IDNK: variants seen among roughly 807,000 people sequenced by gnomAD.
The protein encoded by IDNK is gluconokinase.
A neutral mutation model predicts 13.0 loss-of-function variants in IDNK; 9 were observed. That is an observed-to-expected ratio of 0.69 (90% CI 0.42 to 1.21). IDNK has a LOEUF of 1.21. Among genes scored for constraint, IDNK ranks in the 50% most tolerant of loss-of-function variants. IDNK has a pLI of 0.00. For synonymous variants in IDNK, 92 were observed against 94.9 expected, an observed-to-expected ratio of 0.97 and a Z score of 0.18; for missense variants, 210 against 237.8, an observed-to-expected ratio of 0.88 and a Z score of 0.77.
At chr9:83,633,296 A>T (rs987377836) in intron 3 of IDNK, among the ~76,000 whole-genome samples, 1 of 152,066 alleles carries the variant, frequency 6.6e-6, no homozygotes, top group African/African-American at 2.4e-5. Flanking sequence ...CCAAGATCAC[A>T]CCACTGCACT....
chr9:83,634,218 C>T (rs1316130867), intron 3 of IDNK, among the ~76,000 whole-genome samples: 1 of 152,206 alleles, frequency 6.6e-6, no homozygotes, highest in Admixed American at 6.5e-5. Flanking sequence ...ATTTCCAACC[C>T]TCTCTATTGT....
At chr9:83,641,427 C>T in intron 3 of IDNK, 121 bp from the exon 4 acceptor site, 1 of 1,106,992 alleles carries the variant, frequency 9.0e-7, no homozygotes, top group Non-Finnish European at 1.4e-6. Flanking sequence ...GCCCACTCCT[C>T]ACACCACTGA....
intron 3 of IDNK, among the ~76,000 whole-genome samples, chr9:83,632,631 G>C (rs1035888659): frequency 6.6e-6 from 1 of 151,790 alleles, no homozygotes; most frequent in African/African-American, 2.4e-5. Context: ...ATTTATGTTG[G>C]GCCACATTCA....
At chr9:83,643,401 CCTCT>C in intron 4 of IDNK, 24 bp from the exon 5 acceptor site, 1 of 1,542,076 alleles carries the variant, frequency 6.5e-7, no homozygotes, top group Non-Finnish European at 8.8e-7. Flanking sequence ...CTTTAGCCTC[CCTCT>C]TTTTTTTTTC....
intron 2 of IDNK, 113 bp downstream of exon 2, chr9:83,628,324 C>A: frequency 2.1e-6 from 2 of 936,158 alleles, no homozygotes; most frequent in Non-Finnish European, 1.7e-6. Flanking sequence ...CTTTGAACCC[C>A]ACTGGAGCAA....
chr9:83,632,865 T>C (rs1831061448), intron 3 of IDNK, among the ~76,000 whole-genome samples: 1 of 152,202 alleles, frequency 6.6e-6, no homozygotes, highest in South Asian at 2.1e-4. Flanking sequence ...TTCTTCCAAT[T>C]TCTTCACTGT....
chr9:83,637,573 A>G (rs1161309015), intron 3 of IDNK, among the ~76,000 whole-genome samples: 6 of 152,242 alleles, frequency 3.9e-5, no homozygotes, highest in Non-Finnish European at 1.5e-5. Flanking sequence ...AGATCAAAGG[A>G]AAATAAAAAT....
rs1376917052 is a variant in IDNK at position 83,628,334 on chromosome 9, ATT to A, written c.81+126_81+127del. The A allele has an allele frequency of 3.4e-6, 3 of 883,436 alleles. No individual in the cohort carries two copies. The South Asian group carries it at 4.3e-5, about 13-fold the overall frequency. The allele number at this position is 883,436 out of a possible 1,614,324, so 54.7% of individuals were successfully genotyped here. ...CATGGCTTTGAACCCCACTGGAGCAATTTTGTTTTTCTCCTTGGTGATTACAA... is the reference window on the plus strand; with the variant it reads ...CATGGCTTTGAACCCCACTGGAGCAATTGTTTTTCTCCTTGGTGATTACAA... On this transcript the variant is annotated intron_variant, in intron 2 of 4. Coordinates refer to ENST00000376419, the MANE Select transcript of IDNK (RefSeq NM_001001551.4).
chr9:83,643,936 A>T lies in IDNK; in HGVS notation c.*156A>T. On this transcript the variant is annotated 3_prime_UTR_variant, in exon 5 of 5. Coordinates refer to ENST00000376419, the MANE Select transcript of IDNK (RefSeq NM_001001551.4). Reference sequence around the variant, plus strand: ...AGACTTGTTTAGGTGTAATTTTAGGAATTATGCTGGTTCATCAGGAAGCAG... The same window carrying T: ...AGACTTGTTTAGGTGTAATTTTAGGTATTATGCTGGTTCATCAGGAAGCAG... 1.7e-6 allele frequency: 1 copy of T among 579,114 alleles called. No individual in the cohort carries two copies. Among genetic ancestry groups the T allele is most frequent in the Non-Finnish European group, 3.0e-6 (1 of 330,910 alleles). The allele number at this position is 579,114 out of a possible 1,614,324, so 35.9% of individuals were successfully genotyped here.
intron 3 of IDNK, among the ~76,000 whole-genome samples, chr9:83,639,268 A>C (rs1376514454): frequency 6.6e-6 from 1 of 152,244 alleles, no homozygotes; most frequent in Non-Finnish European, 1.5e-5. Context: ...ATACAACAAA[A>C]GTACTATCAA....
chr9:83,643,984 C>A lies in IDNK; in HGVS notation c.*204C>A. ...CAGAGGGGGAGTTTTAAAAGTCAAG[C>A]TTAAATTGAAGTTTAAATTCATCTA... is the stretch of plus-strand genomic sequence containing the variant. On this transcript the variant is annotated 3_prime_UTR_variant, in exon 5 of 5. Transcript: ENST00000376419. 2.0e-6 allele frequency: 1 copy of A among 507,812 alleles called. No homozygotes were observed. The highest frequency in any genetic ancestry group is 3.5e-6 in the Non-Finnish European group (1 of 285,250). 31.5% of individuals were successfully genotyped at this position (507,812 alleles called of 1,614,324 possible). A position where few individuals can be genotyped will look rare whatever the true frequency, so the allele number is the denominator to read the frequency against.
At chr9:83,625,735 T>C (rs902518301) in intron 1 of IDNK, among the ~76,000 whole-genome samples, 1 of 152,182 alleles carries the variant, frequency 6.6e-6, no homozygotes, top group African/African-American at 2.4e-5. Flanking sequence ...AAGAGAACAA[T>C]AGTCTCAAAA....
chr9:83,637,145 C>T (rs892639150), intron 3 of IDNK, among the ~76,000 whole-genome samples: 3 of 152,206 alleles, frequency 2.0e-5, no homozygotes, highest in African/African-American at 7.2e-5. Context: ...AACTGTGTGA[C>T]TGTCATCATT....
intron 3 of IDNK, among the ~76,000 whole-genome samples, chr9:83,636,207 A>G (rs988469251): frequency 6.6e-6 from 1 of 152,174 alleles, no homozygotes; most frequent in Non-Finnish European, 1.5e-5. Flanking sequence ...TAGAATGATC[A>G]TATCTAGGGT....
chr9:83,623,321 G>T, intron 1 of IDNK, 100 bp downstream of exon 1: 1 of 1,096,450 alleles, frequency 9.1e-7, no homozygotes, highest in Non-Finnish European at 1.2e-6. Context: ...GGGTCTTGGG[G>T]ACCCCCCACC....
chr9:83,629,815 A>ACC (rs1006384333), intron 3 of IDNK, among the ~76,000 whole-genome samples: 1 of 151,916 alleles, frequency 6.6e-6, no homozygotes, highest in Non-Finnish European at 1.5e-5. Flanking sequence ...TAACCATTGT[A>ACC]CCCCCCAGGC....
intron 2 of IDNK, 35 bp from the exon 3 acceptor site, chr9:83,628,838 C>G: frequency 6.8e-7 from 1 of 1,471,164 alleles, no homozygotes; most frequent in Non-Finnish European, 9.5e-7. Context: ...GGCCCATCTG[C>G]CTGCCACATA....
At chr9:83,628,139 T>C (rs1375255339) in intron 1 of IDNK, 42 bp from the exon 2 acceptor site, 16 of 1,550,174 alleles carry the variant, frequency 1.0e-5, no homozygotes, top group East Asian at 2.4e-5. Flanking sequence ...GCTCCACACA[T>C]TGGGCAGGGC....
chr9:83,633,848 A>G (rs1208838367), intron 3 of IDNK, among the ~76,000 whole-genome samples: 2 of 152,224 alleles, frequency 1.3e-5, no homozygotes, highest in Non-Finnish European at 2.9e-5. Flanking sequence ...TCCAACCATT[A>G]AACAAATGAT....
Sources: gnomAD v4.1 joint callset for allele counts (sites outside exome capture counted in the v4.1 genomes callset) on GRCh38, gnomAD v4.1.1 for gene constraint, MANE v1.5 for transcripts, NCBI Gene and HGNC (gene_info 2026-07-23, HGNC 2026-07-21) for gene names.